Variants in PIWIL1 observed in about 807,000 individuals in gnomAD.
PIWIL1 encodes piwi like RNA-mediated gene silencing 1, also known as piwi-like protein 1.
PIWIL1 carries 73 observed loss-of-function variants against 114.4 expected under a neutral mutation model. That is an observed-to-expected ratio of 0.64 (90% CI 0.53 to 0.78). PIWIL1 has a LOEUF of 0.78. Ranked by LOEUF, PIWIL1 falls within the 30% of genes least tolerant of loss-of-function variation. The pLI, the probability that PIWIL1 is intolerant of heterozygous loss-of-function variation, is 0.00. For missense variants in PIWIL1, 723 were observed against 1,063.1 expected, an observed-to-expected ratio of 0.68 and a Z score of 4.45; for synonymous variants, 375 against 369.0, an observed-to-expected ratio of 1.02 and a Z score of -0.19.
At chr12:130,424,042 A>T in the PIWIL1 span, 14 of 580,710 alleles carry the variant, frequency 2.4e-5, no homozygotes, top group Non-Finnish European at 3.3e-5. The surrounding 1 kb of genome is among the most constrained non-coding windows in gnomAD (Gnocchi z 9.8). Flanking sequence ...CCAGCAAGAG[A>T]GTCCCCAGGG....
intron 14 of PIWIL1, among the ~76,000 whole-genome samples, chr12:130,358,504 C>A (rs1179484240): frequency 6.6e-6 from 1 of 152,054 alleles, no homozygotes; most frequent in Non-Finnish European, 1.5e-5. Context: ...GTAGTGAACC[C>A]TCACAGCACT....
the PIWIL1 span, chr12:130,424,656 G>A: frequency 8.1e-7 from 1 of 1,231,898 alleles, no homozygotes; most frequent in Non-Finnish European, 1.0e-6. The surrounding 1 kb of genome is among the most constrained non-coding windows in gnomAD (Gnocchi z 9.8). Flanking sequence ...GCCCCTGTAG[G>A]GCCTGCCGGG....
the PIWIL1 span, among the ~76,000 whole-genome samples, chr12:130,413,623 A>C: frequency 8.2e-6 from 1 of 122,580 alleles, no homozygotes; most frequent in African/African-American, 3.2e-5. Context: ...ACAGAGCAAG[A>C]CTCTGTCTCA....
chr12:130,376,724 C>T (rs986729260), downstream of PIWIL1, among the ~76,000 whole-genome samples: 1 of 152,218 alleles, frequency 6.6e-6, no homozygotes, highest in Non-Finnish European at 1.5e-5. Context: ...ATCCTGTCAG[C>T]CTAGCCTTCC....
chr12:130,404,559 G>C, the PIWIL1 span, among the ~76,000 whole-genome samples: 1 of 152,130 alleles, frequency 6.6e-6, no homozygotes, highest in Non-Finnish European at 1.5e-5. Flanking sequence ...CTCAGCCTCC[G>C]CATGAGTCAC....
At chr12:130,374,390 CA>C (rs1565961162), downstream of PIWIL1, among the ~76,000 whole-genome samples, 1 of 152,208 alleles carries the variant, frequency 6.6e-6, no homozygotes, top group African/African-American at 2.4e-5. Flanking sequence ...TACAAGATTT[CA>C]AAAGCTAGGT....
chr12:130,391,712 A>G, the PIWIL1 span, among the ~76,000 whole-genome samples: 2 of 152,188 alleles, frequency 1.3e-5, no homozygotes, highest in East Asian at 3.9e-4. Flanking sequence ...GATGAGGCCA[A>G]GCCAGCAGAG....
intron 6 of PIWIL1, 36 bp from the exon 7 acceptor site, chr12:130,348,067 T>G: frequency 7.5e-7 from 1 of 1,338,780 alleles, no homozygotes; most frequent in Non-Finnish European, 1.1e-6. Context: ...TTAGAGATAC[T>G]TATCAATATT....
the PIWIL1 span, chr12:130,425,506 T>A: frequency 6.6e-6 from 1 of 152,332 alleles, no homozygotes; most frequent in Non-Finnish European, 1.5e-5. Context: ...AGGACTGGGG[T>A]CCGCCTGTCT....
At chr12:130,382,943 T>G in the PIWIL1 span, among the ~76,000 whole-genome samples, 1 of 152,236 alleles carries the variant, frequency 6.6e-6, no homozygotes, top group African/African-American at 2.4e-5. Flanking sequence ...ACATGTTTGG[T>G]TAGGTTAAAT....
At chr12:130,367,469 T>C (rs747807248) in intron 19 of PIWIL1, among the ~76,000 whole-genome samples, 68 of 152,188 alleles carry the variant, frequency 4.5e-4, no homozygotes, top group African/African-American at 4.1e-4. Flanking sequence ...CAGTTTTTCA[T>C]TGGGGGAAAG....
intron 19 of PIWIL1, among the ~76,000 whole-genome samples, chr12:130,370,792 C>T (rs2073796983): frequency 6.6e-6 from 1 of 152,182 alleles, no homozygotes; most frequent in African/African-American, 2.4e-5. Flanking sequence ...GCTCGACCCA[C>T]TCGCTGCCCC....
the PIWIL1 span, chr12:130,399,570 G>T: frequency 7.7e-7 from 1 of 1,294,550 alleles, no homozygotes; most frequent in Non-Finnish European, 1.1e-6. Flanking sequence ...AATTCAGGGT[G>T]TATTTACGCT....
At chr12:130,399,765 C>T in the PIWIL1 span, 6 of 1,614,084 alleles carry the variant, frequency 3.7e-6, no homozygotes, top group African/African-American at 6.7e-5. Context: ...TCAGGCACTT[C>T]TTCCAAGAAG....
the PIWIL1 span, chr12:130,422,369 TA>T: frequency 1.1e-6 from 1 of 906,800 alleles, no homozygotes; most frequent in Non-Finnish European, 1.7e-6. This position sits in a 1 kb window ranked among gnomAD's most constrained non-coding sequence, Gnocchi z 5.2. Context: ...ATGCTACTCC[TA>T]AAGTTTTGTT....
At chr12:130,359,913 T>C (rs2073463563) in intron 14 of PIWIL1, among the ~76,000 whole-genome samples, 2 of 152,216 alleles carry the variant, frequency 1.3e-5, no homozygotes, top group Non-Finnish European at 2.9e-5. Context: ...GAACAATAAT[T>C]AGTTCAGCGA....
chr12:130,354,401 CT>C, intron 9 of PIWIL1, 135 bp from the exon 10 acceptor site: 1 of 1,133,302 alleles, frequency 8.8e-7, no homozygotes, highest in East Asian at 2.4e-5. Flanking sequence ...CTTTTTAAAA[CT>C]TTACTCTGAA....
Position 130,371,157 on chromosome 12 carries a change from G to A in PIWIL1, c.2322-19G>A, listed in dbSNP as rs1353115931. ...TAATTTTAGTTTTCAGCACATCCGT[G>A]TGTTTTCTGTAATTCCAGGTATGAC... On this transcript the variant is annotated intron_variant, in intron 19 of 20. Transcript: ENST00000245255. The A allele has an allele frequency of 5.0e-6, 8 of 1,611,446 alleles. No homozygotes were observed. Among genetic ancestry groups the A allele is most frequent in the Non-Finnish European group, 6.8e-6 (8 of 1,177,766 alleles).
chr12:130,343,175 G>A, intron 3 of PIWIL1, 74 bp downstream of exon 3: 1 of 1,013,568 alleles, frequency 9.9e-7, no homozygotes, highest in Non-Finnish European at 1.4e-6. Flanking sequence ...ATTAAAACTT[G>A]GTACAAAAAT....
Sources: gnomAD v4.1 joint callset for allele counts (sites outside exome capture counted in the v4.1 genomes callset) on GRCh38, gnomAD v4.1.1 for gene constraint, Gnocchi (gnomAD v3.1) non-coding constraint, MANE v1.5 for transcripts, NCBI Gene and HGNC (gene_info 2026-07-23, HGNC 2026-07-21) for gene names.